Variants in TOMM40 observed in about 807,000 individuals in gnomAD.
TOMM40 encodes mitochondrial import receptor subunit TOM40 homolog.
Under a neutral mutation model 38.4 loss-of-function variants are expected in TOMM40, and 9 were observed. The observed-to-expected ratio is 0.23, with a 90% CI of 0.14 to 0.41. The LOEUF is 0.41. Ranked by LOEUF, TOMM40 falls within the 10% of genes least tolerant of loss-of-function variation. The pLI is 1.00. For missense variants in TOMM40, 299 were observed against 486.5 expected (o/e 0.61, Z 3.63); for synonymous variants, 184 against 210.0 (o/e 0.88, Z 1.07).
At chr19:44,892,746 T>A in intron 2 of TOMM40, 91 bp from the exon 3 acceptor site, 1 of 1,112,068 alleles carries the variant, frequency 9.0e-7, no homozygotes, top group Non-Finnish European at 1.4e-6. Context: ...CCAGTCTTCA[T>A]CCCCTGCCCA....
At position 44,901,148 on chromosome 19, in the gene TOMM40, G is replaced by T. The variant is rs1969673733; in HGVS notation, c.843+44G>T. 6 of 1,613,424 alleles carry T rather than the reference G, an allele frequency of 3.7e-6. No homozygotes were observed. The South Asian group carries it at 4.4e-5, about 12-fold the overall frequency. On this transcript the variant is annotated intron_variant, in intron 7 of 8. Transcript: ENST00000426677. ...TAGCTGGTGCTGCCAGGGGCTGCTG[G>T]GCCTGGAAGTCCAGGTGGGGCCACT... is the stretch of plus-strand genomic sequence containing the variant.
chr19:44,893,069 A>C (rs1045049804), intron 3 of TOMM40, 140 bp downstream of exon 3: 1 of 661,918 alleles, frequency 1.5e-6, no homozygotes, highest in African/African-American at 1.8e-5. Flanking sequence ...TCCGAGGTGC[A>C]CTGGGACACA....
chr19:44,892,070 A>T (rs1046666397), intron 1 of TOMM40, among the ~76,000 whole-genome samples: 1 of 152,178 alleles, frequency 6.6e-6, no homozygotes, highest in Non-Finnish European at 1.5e-5. Flanking sequence ...TTAGAGTAGT[A>T]GTAGTGGTGG....
intron 5 of TOMM40, among the ~76,000 whole-genome samples, chr19:44,900,191 G>C (rs1470670586): frequency 6.6e-6 from 1 of 152,202 alleles, no homozygotes; most frequent in Non-Finnish European, 1.5e-5. Context: ...CCCAGCCACA[G>C]CTGAGCACTC....
chr19:44,897,810 T>C (rs1263236599), intron 5 of TOMM40, among the ~76,000 whole-genome samples: 1 of 146,190 alleles, frequency 6.8e-6, no homozygotes, highest in Non-Finnish European at 1.5e-5. Flanking sequence ...GAGGGAGAGA[T>C]GGGGGTCTCG....
At position 44,892,907 on chromosome 19, in the gene TOMM40, C is replaced by A. The variant is rs1458485730; in HGVS notation, c.413C>A (p.Thr138Lys). 1 of 1,613,906 alleles carries A rather than the reference C, an allele frequency of 6.2e-7. No individual in the cohort carries two copies. The highest frequency in any genetic ancestry group is 1.1e-5 in the South Asian group (1 of 91,072). The stretch of plus-strand genomic sequence containing the variant: ...CACTTCGGGGTCACATATGTGGGGA[C>A]AAAGCAGCTGAGTCCCACAGAGGTG... ...NYHFGVTYVGTKQLSPTEAFP... is the reference protein window; with the variant it reads ...NYHFGVTYVGKKQLSPTEAFP... Residue 138 changes from threonine (T) to lysine (K), a missense_variant, in exon 3 of 9, where the codon ACA becomes AAA. Thr to Lys is a moderately conservative substitution (Grantham distance 78). Coordinates refer to ENST00000426677, the MANE Select transcript of TOMM40 (RefSeq NM_001128917.2).
At chr19:44,892,743 T>C in intron 2 of TOMM40, 94 bp from the exon 3 acceptor site, 1 of 1,086,358 alleles carries the variant, frequency 9.2e-7, no homozygotes, top group Non-Finnish European at 1.4e-6. Flanking sequence ...CTCCCAGTCT[T>C]CATCCCCTGC....
chr19:44,903,046 C>G lies in TOMM40; in HGVS notation c.963C>G (p.Asn321Lys), dbSNP rs377054949. The G allele has an allele frequency of 8.7e-6, 14 of 1,613,078 alleles. No homozygotes were observed. The African/African-American group carries it at 9.3e-5, about 11-fold the overall frequency. ...TCCCTGCAGGCTCTGTGGATAGCAA[C>G]TGGATCGTGGGTGCCACGCTGGAGA... ...NLLFKGSVDS[N>K]WIVGATLEKK... The change falls in exon 9 of 9, where the codon AAC (asparagine) becomes AAG (lysine). Residue 321 changes from asparagine to lysine, a missense_variant. Asn to Lys is a moderately conservative substitution (Grantham distance 94). Transcript: ENST00000426677.
At chr19:44,891,725 C>A in intron 1 of TOMM40, 36 bp downstream of exon 1, 1 of 1,407,906 alleles carries the variant, frequency 7.1e-7, no homozygotes, top group Admixed American at 3.1e-5. Flanking sequence ...GCTGCGATGG[C>A]CTGGATCTCG....
intron 5 of TOMM40, among the ~76,000 whole-genome samples, chr19:44,897,426 AT>A (rs889707860): frequency 1.1e-4 from 17 of 149,708 alleles, no homozygotes; most frequent in Non-Finnish European, 1.6e-4. Flanking sequence ...AATGGTAGTG[AT>A]TTTTTTTTTC....
chr19:44,891,697 G>A lies in TOMM40; in HGVS notation c.274+8G>A, dbSNP rs1167089958. ...GCCACCGGAAGTGCAAGGGTGAGGG[G>A]CGAGGGGCCCCCGCTGGGCTGCGAT... On this transcript the variant is annotated splice_region_variant and intron_variant, in intron 1 of 8. Transcript: ENST00000426677. The A allele has an allele frequency of 4.8e-6, 7 of 1,454,948 alleles. No homozygotes were observed. The highest frequency in any genetic ancestry group is 1.5e-5 in the African/African-American group (1 of 67,824). The allele number at this position is 1,454,948 out of a possible 1,614,324, so 90.1% of individuals were successfully genotyped here.
intron 5 of TOMM40, among the ~76,000 whole-genome samples, chr19:44,896,828 G>A (rs1054128333): frequency 1.3e-5 from 2 of 152,220 alleles, no homozygotes; most frequent in African/African-American, 2.4e-5. Flanking sequence ...GCTGAGGTGG[G>A]CGGATCGCTT....
chr19:44,893,392 TG>T (rs956665125), intron 3 of TOMM40, among the ~76,000 whole-genome samples: 8 of 152,168 alleles, frequency 5.3e-5, no homozygotes, highest in Non-Finnish European at 8.8e-5. Flanking sequence ...AGGGCAAAAC[TG>T]GAGGCCCAGA....
chr19:44,891,709 C>T lies in TOMM40; in HGVS notation c.274+20C>T, dbSNP rs994724808. The T allele has an allele frequency of 1.2e-5, 17 of 1,431,336 alleles. No homozygotes were observed. The highest frequency in any genetic ancestry group is 1.5e-5 in the Non-Finnish European group (16 of 1,096,144). The allele number at this position is 1,431,336 out of a possible 1,614,324, so 88.7% of individuals were successfully genotyped here. ...GCAAGGGTGAGGGGCGAGGGGCCCC[C>T]GCTGGGCTGCGATGGCCTGGATCTC... On this transcript the variant is annotated intron_variant, in intron 1 of 8. Transcript: ENST00000426677.
rs770930081 is a variant in TOMM40, at chr19:44,901,465, G to A, written c.946+155G>A. 4.8e-5 allele frequency: 70 copies of A among 1,467,900 alleles called. No homozygotes were observed. In the East Asian group the frequency reaches 9.2e-4, roughly 19 times the overall value. 90.9% of individuals were successfully genotyped at this position (1,467,900 alleles called of 1,614,324 possible). A position where few individuals can be genotyped will look rare whatever the true frequency, so the allele number is the denominator to read the frequency against. ...CACTTGTTAAAAGGTAGGTGGGGCC[G>A]GGTGCGGTGGCTCACGCCTGTAATC... On this transcript the variant is annotated intron_variant, in intron 8 of 8. Transcript: ENST00000426677.
At chr19:44,902,926 G>A (rs971952927) in intron 8 of TOMM40, 104 bp from the exon 9 acceptor site, 12 of 1,463,992 alleles carry the variant, frequency 8.2e-6, no homozygotes, top group Non-Finnish European at 1.1e-5. Context: ...TGTGGTTAAA[G>A]GTCTGGAAGC....
At chr19:44,892,678 T>A (rs1229177043) in intron 2 of TOMM40, among the ~76,000 whole-genome samples, 159 bp from the exon 3 acceptor site, 1 of 152,110 alleles carries the variant, frequency 6.6e-6, no homozygotes, top group Non-Finnish European at 1.5e-5. Context: ...AAGGAACAGG[T>A]CTGTGGGCCT....
At chr19:44,898,525 C>CTTTTTT (rs71173106) in intron 5 of TOMM40, among the ~76,000 whole-genome samples, 358 of 89,012 alleles carry the variant, frequency 4.0e-3, no homozygotes, top group East Asian at 6.7e-3. Flanking sequence ...TTTTTTTTTT[C>CTTTTTT]TTTTTTTTTT....
At chr19:44,897,329 A>T (rs1969584537) in intron 5 of TOMM40, among the ~76,000 whole-genome samples, 1 of 152,098 alleles carries the variant, frequency 6.6e-6, no homozygotes, top group South Asian at 2.1e-4. Context: ...CAGAGATTCT[A>T]AGTCACTCAC....
Sources: gnomAD v4.1 joint callset for allele counts (sites outside exome capture counted in the v4.1 genomes callset) on GRCh38, gnomAD v4.1.1 for gene constraint, MANE v1.5 for transcripts, NCBI Gene and HGNC (gene_info 2026-07-23, HGNC 2026-07-21) for gene names.